Variants in CD96 observed in about 807,000 individuals in gnomAD.
CD96 encodes the protein T-cell surface protein tactile.
Under a neutral mutation model 71.3 loss-of-function variants are expected in CD96, and 70 were observed. The observed-to-expected ratio is 0.98, with a 90% CI of 0.81 to 1.20. The LOEUF is 1.20. CD96 is among the 50% of genes most tolerant of loss of function. The pLI, the probability that CD96 is intolerant of heterozygous loss-of-function variation, is 0.00. For synonymous variants in CD96, 248 were observed against 233.0 expected (o/e 1.06, Z -0.59); for missense variants, 742 against 677.5 (o/e 1.10, Z -1.06).
At chr3:111,621,553 G>A (rs1938519564) in intron 8 of CD96, among the ~76,000 whole-genome samples, 1 of 152,174 alleles carries the variant, frequency 6.6e-6, no homozygotes, top group African/African-American at 2.4e-5. Context: ...TTTGAAAAGA[G>A]GTAACTGAAG....
chr3:111,630,599 T>C (rs1939011557), intron 10 of CD96, among the ~76,000 whole-genome samples: 1 of 152,180 alleles, frequency 6.6e-6, no homozygotes, highest in African/African-American at 2.4e-5. Flanking sequence ...ACTGGTACCA[T>C]TCCTACTGAA....
At chr3:111,566,015 T>A (rs1313088231) in intron 2 of CD96, among the ~76,000 whole-genome samples, 2 of 149,012 alleles carry the variant, frequency 1.3e-5, no homozygotes, top group Non-Finnish European at 3.0e-5. Flanking sequence ...ATATAGCATA[T>A]ATTTATATAT....
At chr3:111,657,979 G>A (rs1940273801) in intron 14 of CD96, among the ~76,000 whole-genome samples, 1 of 152,146 alleles carries the variant, frequency 6.6e-6, no homozygotes, top group African/African-American at 2.4e-5. Flanking sequence ...TCCCAGATGT[G>A]CCTTTTGAAA....
At chr3:111,549,803 A>G (rs759528156) in intron 2 of CD96, among the ~76,000 whole-genome samples, 2 of 152,206 alleles carry the variant, frequency 1.3e-5, no homozygotes. Context: ...CAGATCATAC[A>G]GAAATTATTT....
intron 10 of CD96, among the ~76,000 whole-genome samples, chr3:111,626,204 G>T (rs548991186): frequency 1.3e-5 from 2 of 151,080 alleles, no homozygotes; most frequent in African/African-American, 2.4e-5. Context: ...GGGAGGCTGA[G>T]GCAGGAGAAT....
rs527489578 is a variant in CD96, at chr3:111,555,044, A to T, written c.418+9642A>T. Reference sequence around the variant, plus strand: ...GGCAGGACACAGATCTCAGATGGTAATGCAAGTGATGGGGAGTAGCTGTAA... The same window carrying T: ...GGCAGGACACAGATCTCAGATGGTATTGCAAGTGATGGGGAGTAGCTGTAA... On this transcript the variant is annotated intron_variant, in intron 2 of 13. Transcript: ENST00000352690. Among the ~76,000 whole-genome samples the T allele has an allele frequency of 8.5e-5, 13 of 152,218 alleles. No individual in the cohort carries two copies. In the East Asian group the frequency reaches 2.5e-3, roughly 29 times the overall value.
chr3:111,579,805 A>G (rs1936387492), intron 4 of CD96, among the ~76,000 whole-genome samples: 1 of 152,136 alleles, frequency 6.6e-6, no homozygotes, highest in Admixed American at 6.5e-5. Context: ...TCATGATTCA[A>G]TCACCTCTGA....
intron 3 of CD96, chr3:111,570,818 G>A: frequency 6.2e-7 from 1 of 1,613,506 alleles, no homozygotes; most frequent in Non-Finnish European, 8.5e-7. Context: ...GAGGCACCGG[G>A]ATGGGGGACC....
chr3:111,565,247 T>A (rs957559455), intron 2 of CD96, among the ~76,000 whole-genome samples: 4 of 152,264 alleles, frequency 2.6e-5, no homozygotes, highest in South Asian at 4.2e-4. Context: ...AGCACAGTGG[T>A]TTAGTGGATT....
chr3:111,663,339 C>A (rs1940402167), intron 14 of CD96, among the ~76,000 whole-genome samples: 1 of 152,168 alleles, frequency 6.6e-6, no homozygotes. Flanking sequence ...TGGGTGAGGA[C>A]ACAAAGCCAA....
intron 8 of CD96, among the ~76,000 whole-genome samples, chr3:111,611,120 T>G (rs1937905936): frequency 1.3e-5 from 2 of 152,182 alleles, no homozygotes; most frequent in African/African-American, 4.8e-5. Context: ...TTAGACCTGA[T>G]GATGTTGATT....
chr3:111,642,588 C>T (rs539407401), intron 12 of CD96, among the ~76,000 whole-genome samples: 2 of 152,196 alleles, frequency 1.3e-5, no homozygotes, highest in South Asian at 4.1e-4. Context: ...GCCAGTGGAT[C>T]ATGAGGTCAA....
intron 4 of CD96, among the ~76,000 whole-genome samples, chr3:111,582,196 C>T (rs553562054): frequency 3.9e-5 from 6 of 152,232 alleles, no homozygotes; most frequent in Non-Finnish European, 7.4e-5. Flanking sequence ...AAGAGTTATC[C>T]CAGTAAGAGA....
intron 7 of CD96, among the ~76,000 whole-genome samples, chr3:111,604,663 C>T (rs1190802764): frequency 6.6e-6 from 1 of 152,174 alleles, no homozygotes; most frequent in African/African-American, 2.4e-5. Flanking sequence ...GAAAAGTATC[C>T]TCAAACTGAA....
intron 5 of CD96, chr3:111,592,786 C>T (rs912291392): frequency 6.6e-6 from 1 of 152,102 alleles, no homozygotes; most frequent in Non-Finnish European, 1.5e-5. Flanking sequence ...TTTATATAAT[C>T]TATACTGAAT....
chr3:111,606,488 C>T (rs1269566715), intron 7 of CD96, among the ~76,000 whole-genome samples: 3 of 152,180 alleles, frequency 2.0e-5, no homozygotes, highest in African/African-American at 7.2e-5. Context: ...CAATGCTTGG[C>T]TGCCTAGTTT....
intron 10 of CD96, 106 bp from the exon 11 acceptor site, chr3:111,637,090 T>G (rs1283041097): frequency 1.1e-5 from 8 of 722,740 alleles, no homozygotes; most frequent in Non-Finnish European, 1.8e-5. Context: ...TTTTGCTTTA[T>G]GTACTCATTA....
At chr3:111,612,076 G>A (rs764401493) in intron 8 of CD96, among the ~76,000 whole-genome samples, 4 of 152,184 alleles carry the variant, frequency 2.6e-5, no homozygotes, top group South Asian at 2.1e-4. Flanking sequence ...GCTATGAATC[G>A]GGGCTGTGAT....
intron 4 of CD96, among the ~76,000 whole-genome samples, chr3:111,579,900 A>G (rs111515623): frequency 2.4e-4 from 36 of 152,342 alleles, no homozygotes; most frequent in African/African-American, 8.4e-4. Flanking sequence ...TAACAGACAG[A>G]ACAATTTCCT....
Sources: allele counts gnomAD v4.1 joint callset (sites outside exome capture counted in the v4.1 genomes callset), GRCh38; gene constraint gnomAD v4.1.1; transcripts MANE v1.5; gene names NCBI Gene and HGNC (gene_info 2026-07-23, HGNC 2026-07-21).